The following PHF11 variants were observed in gnomAD, a reference collection of about 807,000 sequenced individuals.
PHF11 encodes the protein PHD finger protein 11, also known as BRCA1 C-terminus-associated protein.
In PHF11, 38 loss-of-function variants were observed where a neutral mutation model predicts 40.5. That is an observed-to-expected ratio of 0.94 (90% confidence interval 0.72 to 1.23). The LOEUF is 1.23. Among genes scored for constraint, PHF11 ranks in the 50% most tolerant of loss-of-function variants. PHF11 has a pLI of 0.00. For synonymous variants in PHF11, 127 were observed against 138.2 expected, an observed-to-expected ratio of 0.92 and a Z score of 0.57; for missense variants, 369 against 392.4, an observed-to-expected ratio of 0.94 and a Z score of 0.50.
At chr13:49,508,589 A>T (rs1959042522) in intron 2 of PHF11, among the ~76,000 whole-genome samples, 1 of 151,630 alleles carries the variant, frequency 6.6e-6, no homozygotes, top group South Asian at 2.1e-4. Context: ...TAAATGAACT[A>T]TTATCAGTAT....
At chr13:49,507,902 C>G (rs551352194) in intron 2 of PHF11, among the ~76,000 whole-genome samples, 1 of 152,104 alleles carries the variant, frequency 6.6e-6, no homozygotes, top group African/African-American at 2.4e-5. Flanking sequence ...CAATCCCCTG[C>G]AGACACTGAG....
intron 1 of PHF11, among the ~76,000 whole-genome samples, chr13:49,501,911 G>A (rs539148739): frequency 1.2e-4 from 19 of 152,002 alleles, no homozygotes; most frequent in Middle Eastern, 3.4e-3. Flanking sequence ...GGCTGGTCTC[G>A]AACTCCTGAC....
rs1293044779 is a variant in PHF11, at chr13:49,523,305, CT to C, written c.637+65del. 6.6e-6 allele frequency: 7 copies of C among 1,059,646 alleles called. No individual in the cohort carries two copies. The African/African-American group carries it at 1.1e-4, about 17-fold the overall frequency. The allele number at this position is 1,059,646 out of a possible 1,614,324, so 65.6% of individuals were successfully genotyped here. A position where few individuals can be genotyped will look rare whatever the true frequency, so the allele number is the denominator to read the frequency against. Reference sequence around the variant, plus strand: ...AATACTTATAAAAATGTCAACCCACCTGTTTCAAACTTGGTATCCCGCCTAA... The same window carrying C: ...AATACTTATAAAAATGTCAACCCACCGTTTCAAACTTGGTATCCCGCCTAA... On this transcript the variant is annotated intron_variant, in intron 7 of 9. Transcript: ENST00000378319.
chr13:49,517,061 G>A (rs1022628322), intron 3 of PHF11, among the ~76,000 whole-genome samples: 1 of 152,054 alleles, frequency 6.6e-6, no homozygotes, highest in African/African-American at 2.4e-5. Context: ...GGAGTATATT[G>A]TGAGGTAGGG....
chr13:49,504,451 G>C (rs1958950055), intron 1 of PHF11, among the ~76,000 whole-genome samples: 1 of 151,354 alleles, frequency 6.6e-6, no homozygotes, highest in South Asian at 2.1e-4. Context: ...GCGAGACTCT[G>C]TCTAAAAAAA....
Position 49,526,392 on chromosome 13 carries a change from G to GAA in PHF11, c.776_777dup (p.Glu260LysfsTer18), listed in dbSNP as rs769705441. On this transcript the variant is annotated frameshift_variant, in exon 9 of 10. Transcript: ENST00000378319. LOFTEE classifies it high-confidence loss of function. ...AAATGTTTCTCTCCCTCCAGACTAT[G>GAA]AAGAAATCGGGAGTGCACTTTTTGA... is the stretch of plus-strand genomic sequence containing the variant. 1.2e-6 allele frequency: 2 copies of GAA among 1,604,702 alleles called. No individual in the cohort carries two copies. Among genetic ancestry groups the GAA allele is most frequent in the African/African-American group, 2.7e-5 (2 of 74,698 alleles).
At chr13:49,527,033 C>T (rs17073053) in intron 9 of PHF11, among the ~76,000 whole-genome samples, 4,194 of 148,384 alleles carry the variant, frequency 0.028, 82 homozygotes, top group South Asian at 0.06. Flanking sequence ...GGGAGGGTTA[C>T]GACTGATTTA....
intron 1 of PHF11, among the ~76,000 whole-genome samples, chr13:49,498,283 T>G (rs1958846759): frequency 6.6e-6 from 1 of 152,248 alleles, no homozygotes; most frequent in Non-Finnish European, 1.5e-5. Context: ...CTGTAGGTGA[T>G]GGGGAAATAT....
intron 1 of PHF11, chr13:49,496,401 C>T (rs1594193783): frequency 1.8e-5 from 20 of 1,119,198 alleles, no homozygotes; most frequent in Non-Finnish European, 2.1e-5. Context: ...CAGCCCAGTG[C>T]TTCCACCACA....
At chr13:49,525,878 A>C in intron 8 of PHF11, 1 of 439,252 alleles carries the variant, frequency 2.3e-6, no homozygotes, top group South Asian at 1.6e-5. Context: ...ACAAATACCA[A>C]GAATTGGGGG....
At chr13:49,517,274 A>G (rs1052602918) in intron 3 of PHF11, among the ~76,000 whole-genome samples, 1 of 152,058 alleles carries the variant, frequency 6.6e-6, no homozygotes, top group African/African-American at 2.4e-5. Context: ...CTGCAAGGCA[A>G]TTTCACTGTG....
chr13:49,525,869 C>A (rs1362874834), intron 8 of PHF11: 1 of 442,328 alleles, frequency 2.3e-6, no homozygotes, highest in East Asian at 7.1e-5. Flanking sequence ...TGATTCAGTA[C>A]AAATACCAAG....
At chr13:49,517,989 C>A in intron 3 of PHF11, 29 bp from the exon 4 acceptor site, 1 of 1,083,724 alleles carries the variant, frequency 9.2e-7, no homozygotes, top group Non-Finnish European at 1.3e-6. Flanking sequence ...CAAACAGGTA[C>A]TTACTCAGTA....
rs1200697917 is a variant in PHF11, at chr13:49,522,758, G to GTTT, written c.571-417_571-416insTTT. ...TGTTTACATCTAAATATGAATATGG[G>GTTT]GTTTTTTTGTTTTTTTTTTTTTTTG... On this transcript the variant is annotated intron_variant, in intron 6 of 9. Coordinates refer to ENST00000378319, the MANE Select transcript of PHF11 (RefSeq NM_001040443.3). 6.4e-4 allele frequency among the ~76,000 whole-genome samples: 23 copies of GTTT among 35,818 alleles called. 4 individuals are homozygous for GTTT. Among genetic ancestry groups the GTTT allele is most frequent in the African/African-American group, 7.8e-4 (11 of 14,152 alleles). 23.5% of individuals were successfully genotyped at this position (35,818 alleles called of 152,430 possible).
chr13:49,523,333 T>C (rs1959200451), intron 7 of PHF11, 92 bp downstream of exon 7: 1 of 777,574 alleles, frequency 1.3e-6, no homozygotes, highest in Non-Finnish European at 2.3e-6. Context: ...CCCGCCTAAA[T>C]CTTTATTCTT....
chr13:49,506,531 C>T (rs1305330012), intron 1 of PHF11, 104 bp from the exon 2 acceptor site: 1 of 956,652 alleles, frequency 1.0e-6, no homozygotes, highest in East Asian at 2.4e-5. Context: ...TTAAGACTCT[C>T]TCATAAAAAC....
intron 1 of PHF11, among the ~76,000 whole-genome samples, chr13:49,505,824 T>C (rs1057327636): frequency 9.9e-5 from 15 of 152,208 alleles, no homozygotes; most frequent in Admixed American, 3.9e-4. Flanking sequence ...CCTTCATGTA[T>C]CTTTCCTAAT....
At position 49,520,920 on chromosome 13, in the gene PHF11, T is replaced by TC. The variant is rs1378602042; in HGVS notation, c.488dup (p.Ile164AspfsTer7). ...CTGCTTTGCCAGCAACATGCTCAAT[T>TC]CCCGATCATCGCTCAAAGTGGTAAG... is the stretch of plus-strand genomic sequence containing the variant. On this transcript the variant is annotated frameshift_variant, in exon 5 of 10. Transcript: ENST00000378319. LOFTEE classifies it high-confidence loss of function. 1 of 1,584,348 alleles carries TC rather than the reference T, an allele frequency of 6.3e-7. No homozygotes were observed. Among genetic ancestry groups the TC allele is most frequent in the Non-Finnish European group, 8.6e-7 (1 of 1,158,596 alleles).
At chr13:49,515,688 G>A (rs990585943) in intron 3 of PHF11, among the ~76,000 whole-genome samples, 9 of 152,100 alleles carry the variant, frequency 5.9e-5, no homozygotes, top group African/African-American at 1.9e-4. Flanking sequence ...CCACCATAGC[G>A]GAGTCACCCA....
Sources: gnomAD v4.1 joint callset for allele counts (sites outside exome capture counted in the v4.1 genomes callset) on GRCh38, gnomAD v4.1.1 for gene constraint, MANE v1.5 for transcripts, NCBI Gene and HGNC (gene_info 2026-07-23, HGNC 2026-07-21) for gene names.